The following NCKAP1 variants were observed in gnomAD, a reference collection of about 807,000 sequenced individuals.
NCKAP1 encodes the protein nck-associated protein 1.
In NCKAP1, 21 loss-of-function variants were observed where a neutral mutation model predicts 151.2. The observed-to-expected ratio is 0.14, with a 90% CI of 0.10 to 0.20. The LOEUF (loss-of-function observed/expected upper bound fraction) is 0.20, where lower values mean the gene tolerates loss of function less well. Ranked by LOEUF, NCKAP1 falls within the 10% of genes least tolerant of loss-of-function variation. The pLI is 1.00. For synonymous variants in NCKAP1, 484 were observed against 451.8 expected (o/e 1.07, Z -0.90); for missense variants, 933 against 1,352.1 (o/e 0.69, Z 4.86).
chr2:183,037,877 A>T (rs1699134954), intron 1 of NCKAP1, 115 bp downstream of exon 1: 1 of 744,702 alleles, frequency 1.3e-6, no homozygotes. Context: ...TCGGGCGGCG[A>T]CGCCGAGATT....
intron 1 of NCKAP1, among the ~76,000 whole-genome samples, chr2:183,032,651 G>GAAAT (rs1316652588): frequency 6.6e-6 from 1 of 152,124 alleles, no homozygotes; most frequent in Non-Finnish European, 1.5e-5. Context: ...AGTGTTATGT[G>GAAAT]AAATATCATT....
intron 2 of NCKAP1, among the ~76,000 whole-genome samples, chr2:183,005,687 C>T (rs551082711): frequency 7.2e-5 from 11 of 152,250 alleles, no homozygotes; most frequent in African/African-American, 2.6e-4. Context: ...GTCTAGCTTT[C>T]AAGGCCCTCC....
At chr2:182,996,427 T>C (rs534685735) in intron 6 of NCKAP1, among the ~76,000 whole-genome samples, 2 of 152,358 alleles carry the variant, frequency 1.3e-5, no homozygotes, top group South Asian at 4.1e-4. Context: ...CTTTTGCTAT[T>C]AATCCCTGCT....
intron 2 of NCKAP1, among the ~76,000 whole-genome samples, chr2:183,019,326 G>A (rs1358852321): frequency 6.6e-6 from 1 of 151,620 alleles, no homozygotes; most frequent in Admixed American, 6.6e-5. Context: ...TACCTTTTAG[G>A]TGTAATGCAA....
chr2:183,026,380 G>GT (rs1186539537), intron 1 of NCKAP1, among the ~76,000 whole-genome samples: 10 of 151,936 alleles, frequency 6.6e-5, no homozygotes, highest in African/African-American at 2.4e-4. Flanking sequence ...GGAAGCTGAG[G>GT]GAGAAGATCA....
rs1697252869 is a variant in NCKAP1 at position 182,953,128 on chromosome 2, C to T, written c.2357G>A (p.Ser786Asn). ...LDSHGEPTIT[S>N]LYTNWYLETL... ...CATTCCTTACCAATTTGTGTATAGA[C>T]TTGTAATGGTTGGCTCTCCATGACT... is the stretch of plus-strand genomic sequence containing the variant. Residue 786 changes from serine (S) to asparagine (N), a missense_variant, in exon 21 of 31, where the codon AGT (serine) becomes AAT (asparagine). By Grantham distance (46) the Ser-to-Asn change is conservative. Transcript: ENST00000361354. 6.2e-7 allele frequency: 1 copy of T among 1,611,148 alleles called. No homozygotes were observed. The highest frequency in any genetic ancestry group is 8.5e-7 in the Non-Finnish European group (1 of 1,178,434).
At position 182,952,391 on chromosome 2, in the gene NCKAP1, A is replaced by G. The variant is rs775428552; in HGVS notation, c.2601+14T>C. 2.4e-5 allele frequency: 37 copies of G among 1,520,232 alleles called. No homozygotes were observed. The highest frequency in any genetic ancestry group is 1.8e-4 in the African/African-American group (13 of 71,172). The allele number at this position is 1,520,232 out of a possible 1,614,324, so 94.2% of individuals were successfully genotyped here. On this transcript the variant is annotated intron_variant, in intron 23 of 30. Transcript: ENST00000361354. ...TTAATGTTTAAAAGCTAAAATTAAT[A>G]AAGACTATATTACCTTAAGTTCAGC...
At position 182,977,163 on chromosome 2, in the gene NCKAP1, A is replaced by G. The variant is rs558996617; in HGVS notation, c.1424-212T>C. 2.2e-3 allele frequency among the ~76,000 whole-genome samples: 328 copies of G among 152,300 alleles called. 1 individual carries two copies. The highest frequency in any genetic ancestry group is 3.4e-3 in the Middle Eastern group (1 of 294). On this transcript the variant is annotated intron_variant, in intron 14 of 30. Transcript: ENST00000361354. ...GTAGAAGCAACTTAAATTTCCATTG[A>G]TAGATGAATGAATAAACAAAATGTA...
Position 182,919,389 on chromosome 2 carries a change from A to T in NCKAP1, c.*6313T>A, listed in dbSNP as rs1158343599. The T allele has an allele frequency of 6.6e-6, 1 of 152,226 alleles. No individual in the cohort carries two copies. Among genetic ancestry groups the T allele is most frequent in the African/African-American group, 2.4e-5 (1 of 41,470 alleles). 9.4% of individuals were successfully genotyped at this position (152,226 alleles called of 1,614,324 possible). A position where few individuals can be genotyped will look rare whatever the true frequency, so the allele number is the denominator to read the frequency against. ...TCAACCTTTGCAAGATCTAACAGTTAAATGGTTAAATGACTACCTACTTCA... is the reference window on the plus strand; with the variant it reads ...TCAACCTTTGCAAGATCTAACAGTTTAATGGTTAAATGACTACCTACTTCA... On this transcript the variant is annotated 3_prime_UTR_variant, in exon 31 of 31. Coordinates refer to ENST00000361354, the MANE Select transcript of NCKAP1 (RefSeq NM_013436.5).
intron 19 of NCKAP1, 98 bp downstream of exon 19, chr2:182,957,359 T>C (rs1575029415): frequency 8.2e-7 from 1 of 1,213,960 alleles, no homozygotes; most frequent in East Asian, 2.6e-5. Flanking sequence ...ATGAAGAATA[T>C]ACAATTATTA....
At chr2:182,975,556 A>G (rs1426478736) in intron 15 of NCKAP1, among the ~76,000 whole-genome samples, 2 of 152,142 alleles carry the variant, frequency 1.3e-5, no homozygotes, top group Non-Finnish European at 2.9e-5. Context: ...ACAAAAAAAT[A>G]CTTCTTATAT....
chr2:182,963,603 A>C (rs1697500417), intron 17 of NCKAP1, among the ~76,000 whole-genome samples: 1 of 152,136 alleles, frequency 6.6e-6, no homozygotes, highest in African/African-American at 2.4e-5. Flanking sequence ...ACATATGAAG[A>C]GTATCGTAAA....
intron 13 of NCKAP1, 122 bp from the exon 14 acceptor site, chr2:182,979,037 A>G (rs1697884432): frequency 2.1e-6 from 1 of 482,870 alleles, no homozygotes; most frequent in Non-Finnish European, 3.7e-6. Context: ...TTTCAGTAAT[A>G]AAAAAGAAAT....
intron 8 of NCKAP1, 39 bp from the exon 9 acceptor site, chr2:182,989,225 CA>C (rs773397794): frequency 1.3e-6 from 2 of 1,511,768 alleles, no homozygotes; most frequent in Non-Finnish European, 9.0e-7. Flanking sequence ...TGTAAATGTA[CA>C]AGTATTCCAA....
chr2:183,027,004 TCTCA>T (rs1698910485), intron 1 of NCKAP1, among the ~76,000 whole-genome samples: 2 of 152,210 alleles, frequency 1.3e-5, no homozygotes, highest in Admixed American at 6.5e-5. Context: ...CAATCCCCTC[TCTCA>T]ATCAAATATT....
At chr2:182,988,719 T>C (rs556443418) in intron 9 of NCKAP1, among the ~76,000 whole-genome samples, 5 of 152,318 alleles carry the variant, frequency 3.3e-5, no homozygotes, top group South Asian at 2.1e-4. Context: ...ACCTCTAAAA[T>C]GTATATGGTA....
chr2:183,011,995 T>C (rs72888452), intron 2 of NCKAP1, among the ~76,000 whole-genome samples: 5,268 of 152,314 alleles, frequency 0.035, 120 homozygotes, highest in African/African-American at 0.04. Context: ...GATGTGTATA[T>C]ACGTGTACAG....
chr2:182,966,035 A>T (rs571434538), intron 16 of NCKAP1, among the ~76,000 whole-genome samples: 1 of 152,190 alleles, frequency 6.6e-6, no homozygotes, highest in Non-Finnish European at 1.5e-5. Flanking sequence ...CAAACTGCCA[A>T]AATCAACACA....
chr2:183,000,219 A>C (rs540604857), intron 6 of NCKAP1, among the ~76,000 whole-genome samples: 43 of 152,364 alleles, frequency 2.8e-4, no homozygotes, highest in African/African-American at 9.9e-4. Context: ...ACGGAATATT[A>C]GAAAAAAATC....
Sources: gnomAD v4.1 joint callset for allele counts (sites outside exome capture counted in the v4.1 genomes callset) on GRCh38, gnomAD v4.1.1 for gene constraint, MANE v1.5 for transcripts, NCBI Gene and HGNC (gene_info 2026-07-23, HGNC 2026-07-21) for gene names.